Variants in PDE6D observed in about 807,000 individuals in gnomAD.
The protein encoded by PDE6D is retinal rod rhodopsin-sensitive cGMP 3',5'-cyclic phosphodiesterase subunit delta.
Under a neutral mutation model 21.9 loss-of-function variants are expected in PDE6D, and 10 were observed. That is an observed-to-expected ratio of 0.46 (90% confidence interval 0.28 to 0.78). The LOEUF (loss-of-function observed/expected upper bound fraction) is 0.78, where lower values mean the gene tolerates loss of function less well. Ranked by LOEUF, PDE6D falls within the 30% of genes least tolerant of loss-of-function variation. The probability of loss-of-function intolerance (pLI) is 0.12; values close to 1 mark genes in which losing one functional copy is unlikely to be tolerated. For synonymous variants in PDE6D, 59 were observed against 63.5 expected, an observed-to-expected ratio of 0.93 and a Z score of 0.34; for missense variants, 139 against 184.8, an observed-to-expected ratio of 0.75 and a Z score of 1.44.
intron 1 of PDE6D, among the ~76,000 whole-genome samples, chr2:231,751,107 TTATTC>T (rs1235721677): frequency 6.6e-6 from 1 of 150,672 alleles, no homozygotes; most frequent in African/African-American, 2.5e-5. Flanking sequence ...TTATCAGGTG[TTATTC>T]TATTCTAGTC....
At chr2:231,753,197 G>A (rs1303076378) in intron 1 of PDE6D, among the ~76,000 whole-genome samples, 7 of 150,440 alleles carry the variant, frequency 4.7e-5, no homozygotes, top group African/African-American at 1.2e-4. Flanking sequence ...CTGGTCCATT[G>A]TTTCTCAAAG....
chr2:231,780,016 T>C (rs1419366219), intron 1 of PDE6D, among the ~76,000 whole-genome samples: 1 of 152,224 alleles, frequency 6.6e-6, no homozygotes, highest in African/African-American at 2.4e-5. Context: ...GTTCGTACTA[T>C]AGATTACAGA....
chr2:231,744,220 C>A (rs1241326033), intron 1 of PDE6D, among the ~76,000 whole-genome samples: 1 of 152,104 alleles, frequency 6.6e-6, no homozygotes, highest in Non-Finnish European at 1.5e-5. Flanking sequence ...GTCAGAAAAG[C>A]AAAGCCTGGG....
At chr2:231,743,428 C>CAAAAAAAAAAAAAAAAAA (rs34916848) in intron 1 of PDE6D, among the ~76,000 whole-genome samples, 1 of 59,034 alleles carries the variant, frequency 1.7e-5, no homozygotes, top group African/African-American at 5.3e-5. Context: ...GATTCCGTCT[C>CAAAAAAAAAAAAAAAAAA]AAAAAAAAAA....
In PDE6D at chr2:231,781,202, C is replaced by T. The variant is rs2049121568; in HGVS notation, c.-88G>A. The T allele has an allele frequency of 1.5e-6, 2 of 1,375,774 alleles. No homozygotes were observed. Among genetic ancestry groups the T allele is most frequent in the Non-Finnish European group, 2.1e-6 (2 of 974,902 alleles). The allele number at this position is 1,375,774 out of a possible 1,614,324, so 85.2% of individuals were successfully genotyped here. A position where few individuals can be genotyped will look rare whatever the true frequency, so the allele number is the denominator to read the frequency against. On this transcript the variant is annotated 5_prime_UTR_variant, in exon 1 of 5. Coordinates refer to ENST00000287600, the MANE Select transcript of PDE6D (RefSeq NM_002601.4). Reference sequence around the variant, plus strand: ...CAGGAGCCGAGGATGGAGCCGCAGCCCGGCTTGGAGACCTCGGGCTAGCAG... The same window carrying T: ...CAGGAGCCGAGGATGGAGCCGCAGCTCGGCTTGGAGACCTCGGGCTAGCAG...
chr2:231,753,530 G>A (rs952638664), intron 1 of PDE6D, among the ~76,000 whole-genome samples: 2 of 151,618 alleles, frequency 1.3e-5, no homozygotes, highest in Admixed American at 6.6e-5. Context: ...CAGCCTGGGC[G>A]ACAGAGCAAG....
intron 3 of PDE6D, 200 bp downstream of exon 3, chr2:231,737,813 C>A: frequency 1.9e-6 from 1 of 532,698 alleles, no homozygotes; most frequent in Non-Finnish European, 3.3e-6. Context: ...GTGTCAGAGA[C>A]CTCAAAGCCC....
chr2:231,748,701 G>C (rs2048813035), intron 1 of PDE6D, among the ~76,000 whole-genome samples: 1 of 152,200 alleles, frequency 6.6e-6, no homozygotes, highest in Non-Finnish European at 1.5e-5. Flanking sequence ...GGAGGAAAAA[G>C]TGGTTTCACG....
intron 4 of PDE6D, among the ~76,000 whole-genome samples, chr2:231,736,460 T>G (rs914011106): frequency 1.3e-5 from 2 of 152,210 alleles, no homozygotes; most frequent in Non-Finnish European, 2.9e-5. Flanking sequence ...ATTACAGGTG[T>G]GTGCCATTAC....
intron 4 of PDE6D, among the ~76,000 whole-genome samples, chr2:231,736,829 A>AT (rs1020985149): frequency 6.6e-6 from 1 of 152,178 alleles, no homozygotes; most frequent in African/African-American, 2.4e-5. Context: ...TTTTATCTTC[A>AT]TTACACCTCT....
chr2:231,742,042 G>T (rs1429840923), intron 1 of PDE6D, among the ~76,000 whole-genome samples: 2 of 152,062 alleles, frequency 1.3e-5, no homozygotes, highest in Non-Finnish European at 2.9e-5. Flanking sequence ...AAGCTAAAAA[G>T]GATTGAAAAT....
At chr2:231,768,846 TATTTGGTCATGGA>T (rs2048992880) in intron 1 of PDE6D, among the ~76,000 whole-genome samples, 1 of 152,116 alleles carries the variant, frequency 6.6e-6, no homozygotes, top group Non-Finnish European at 1.5e-5. Flanking sequence ...TAATACAAGT[TATTTGGTCATGGA>T]AACTGGTTTA....
intron 1 of PDE6D, among the ~76,000 whole-genome samples, chr2:231,749,177 G>A (rs928591640): frequency 3.9e-5 from 6 of 152,164 alleles, no homozygotes; most frequent in Non-Finnish European, 7.4e-5. Flanking sequence ...AAGCAGGCAG[G>A]AGGGAGGCTG....
chr2:231,733,496 C>T (rs1034332548), intron 4 of PDE6D, among the ~76,000 whole-genome samples: 5 of 152,136 alleles, frequency 3.3e-5, no homozygotes, highest in Non-Finnish European at 7.4e-5. Flanking sequence ...TGGGTAACAG[C>T]ACCTTGCTCT....
intron 1 of PDE6D, among the ~76,000 whole-genome samples, chr2:231,742,630 A>G (rs2048759526): frequency 6.6e-6 from 1 of 152,200 alleles, no homozygotes; most frequent in Admixed American, 6.5e-5. Flanking sequence ...AGATAAATAT[A>G]TGTATAATAT....
At chr2:231,744,763 A>G (rs908724574) in intron 1 of PDE6D, among the ~76,000 whole-genome samples, 1 of 152,160 alleles carries the variant, frequency 6.6e-6, no homozygotes, top group African/African-American at 2.4e-5. Flanking sequence ...GGAATCACAT[A>G]AAAATATATT....
At chr2:231,767,091 A>G (rs529247366) in intron 1 of PDE6D, among the ~76,000 whole-genome samples, 1 of 152,182 alleles carries the variant, frequency 6.6e-6, no homozygotes, top group South Asian at 2.1e-4. Context: ...AAGAGCCACA[A>G]TTAATTCCCA....
At chr2:231,753,274 G>A (rs1001027266) in intron 1 of PDE6D, among the ~76,000 whole-genome samples, 1 of 151,058 alleles carries the variant, frequency 6.6e-6, no homozygotes, top group Non-Finnish European at 1.5e-5. Flanking sequence ...CTGTAATCCC[G>A]GCACTTTGGG....
In PDE6D at chr2:231,755,728, C is replaced by T. The variant is rs537804372; in HGVS notation, c.51-16540G>A. ...CTGAGGTCAGGAGTTCCAGACCAGC[C>T]TGACCAACATGGAGAAACCCCGTCT... On this transcript the variant is annotated intron_variant, in intron 1 of 4. Coordinates refer to ENST00000287600, the MANE Select transcript of PDE6D (RefSeq NM_002601.4). Among the ~76,000 whole-genome samples the T allele has an allele frequency of 1.5e-4, 23 of 152,272 alleles. No individual in the cohort carries two copies. In the East Asian group the frequency reaches 4.4e-3, roughly 29 times the overall value.
Sources: gnomAD v4.1 joint callset for allele counts (sites outside exome capture counted in the v4.1 genomes callset) on GRCh38, gnomAD v4.1.1 for gene constraint, MANE v1.5 for transcripts, NCBI Gene and HGNC (gene_info 2026-07-23, HGNC 2026-07-21) for gene names.